GHR: variants seen among roughly 807,000 people sequenced by gnomAD.
The protein encoded by GHR is GH receptor.
A neutral mutation model predicts 67.1 loss-of-function variants in GHR; 35 were observed. The observed-to-expected ratio is 0.52, with a 90% CI of 0.40 to 0.69. The LOEUF is 0.69. Among genes scored for constraint, GHR ranks in the 30% least tolerant of loss-of-function variants. The pLI, the probability that GHR is intolerant of heterozygous loss-of-function variation, is 0.00. For synonymous variants in GHR, 272 were observed against 269.1 expected (o/e 1.01, Z -0.10); for missense variants, 792 against 764.6 (o/e 1.04, Z -0.42).
chr5:42,466,848 G>GT, intron 1 of GHR: 2 of 1,382,290 alleles, frequency 1.4e-6, no homozygotes, highest in African/African-American at 2.9e-5. Flanking sequence ...GAGGCAGAAG[G>GT]TTATGACCAA....
chr5:42,657,305 C>G (rs2112846641), intron 3 of GHR, among the ~76,000 whole-genome samples: 1 of 152,196 alleles, frequency 6.6e-6, no homozygotes, highest in Admixed American at 6.5e-5. Flanking sequence ...GTCCAGGTGA[C>G]TGTTAAGGTC....
intron 3 of GHR, among the ~76,000 whole-genome samples, chr5:42,656,582 T>C (rs534797948): frequency 6.6e-6 from 1 of 152,304 alleles, no homozygotes; most frequent in African/African-American, 2.4e-5. Flanking sequence ...TGAAAATATA[T>C]ATTGTATTGC....
intron 2 of GHR, among the ~76,000 whole-genome samples, chr5:42,625,613 C>T (rs985669120): frequency 2.6e-5 from 4 of 152,004 alleles, no homozygotes; most frequent in East Asian, 1.9e-4. Context: ...TTAAGAAATA[C>T]GTTGATTTGG....
intron 3 of GHR, among the ~76,000 whole-genome samples, chr5:42,649,393 A>T (rs1754904395): frequency 6.6e-6 from 1 of 152,220 alleles, no homozygotes; most frequent in Non-Finnish European, 1.5e-5. Context: ...TGGAATACAG[A>T]GTACTTTTTA....
At chr5:42,594,722 G>A (rs1156609868) in intron 2 of GHR, among the ~76,000 whole-genome samples, 1 of 151,790 alleles carries the variant, frequency 6.6e-6, no homozygotes, top group African/African-American at 2.4e-5. Context: ...TTTTTGTCTT[G>A]TGGGTCCTTT....
At chr5:42,619,964 G>T (rs1316768316) in intron 2 of GHR, 1 of 152,096 alleles carries the variant, frequency 6.6e-6, no homozygotes, top group Non-Finnish European at 1.5e-5. Flanking sequence ...ACCAAGCAAC[G>T]AGCACCACAT....
chr5:42,605,185 G>A (rs879544427), intron 2 of GHR, among the ~76,000 whole-genome samples: 3 of 142,384 alleles, frequency 2.1e-5, no homozygotes, highest in East Asian at 2.1e-4. Flanking sequence ...CAACCTCCAC[G>A]TCCCGGGTTC....
At chr5:42,426,003 G>T (rs1204366673) in intron 1 of GHR, among the ~76,000 whole-genome samples, 1 of 152,094 alleles carries the variant, frequency 6.6e-6, no homozygotes. Flanking sequence ...ATTTGTTTTA[G>T]CCAGGCTTTG....
chr5:42,514,549 A>G lies in GHR; in HGVS notation c.-11-51315A>G, dbSNP rs4130113. Among the ~76,000 whole-genome samples, 96,942 of 151,822 alleles carry G rather than the reference A, an allele frequency of 0.64. 31,603 individuals are homozygous for G. Among genetic ancestry groups the G allele is most frequent in the African/African-American group, 0.77 (31,773 of 41,374 alleles). On this transcript the variant is annotated intron_variant, in intron 1 of 9. Coordinates refer to ENST00000230882, the MANE Select transcript of GHR (RefSeq NM_000163.5). Reference sequence around the variant, plus strand: ...TAAATGGGTAATTCAGCAGAACCAGATGCTGGGGTTGAGAAATAGATGTGG... The same window carrying G: ...TAAATGGGTAATTCAGCAGAACCAGGTGCTGGGGTTGAGAAATAGATGTGG...
chr5:42,619,187 A>C (rs1196657559), intron 2 of GHR, among the ~76,000 whole-genome samples: 2 of 152,046 alleles, frequency 1.3e-5, no homozygotes, highest in Non-Finnish European at 2.9e-5. Flanking sequence ...ACTGGGGTCT[A>C]TTTCATGGAA....
chr5:42,446,194 A>G (rs1743798856), intron 1 of GHR, among the ~76,000 whole-genome samples: 1 of 152,218 alleles, frequency 6.6e-6, no homozygotes, highest in African/African-American at 2.4e-5. Flanking sequence ...CTCATAATGT[A>G]AGCTAATGGG....
At chr5:42,634,027 C>T (rs1175255276) in intron 3 of GHR, among the ~76,000 whole-genome samples, 1 of 152,060 alleles carries the variant, frequency 6.6e-6, no homozygotes, top group Non-Finnish European at 1.5e-5. Flanking sequence ...AGCGTAGCAC[C>T]GCAGTTTAAG....
Position 42,717,926 on chromosome 5 carries a change from T to G in GHR, c.876-126T>G, listed in dbSNP as rs980094855. 7.7e-6 allele frequency: 5 copies of G among 647,392 alleles called. No homozygotes were observed. The African/African-American group carries it at 9.2e-5, about 12-fold the overall frequency. The allele number at this position is 647,392 out of a possible 1,614,324, so 40.1% of individuals were successfully genotyped here. ...TTTTCTTCTGTTTCTCACACTCCAA[T>G]TATATAAAGTACCAGAATATTTGGA... On this transcript the variant is annotated intron_variant, in intron 8 of 9. Coordinates refer to ENST00000230882, the MANE Select transcript of GHR (RefSeq NM_000163.5).
chr5:42,473,382 G>C (rs1225971340), intron 1 of GHR, among the ~76,000 whole-genome samples: 1 of 151,888 alleles, frequency 6.6e-6, no homozygotes, highest in African/African-American at 2.4e-5. Context: ...GTTATGAATG[G>C]CCCAAAGATA....
intron 2 of GHR, among the ~76,000 whole-genome samples, chr5:42,567,210 C>T (rs1043811125): frequency 2.0e-5 from 3 of 152,166 alleles, no homozygotes; most frequent in Non-Finnish European, 4.4e-5. Flanking sequence ...AGGTGACTTT[C>T]ACTCCACTGG....
intron 3 of GHR, among the ~76,000 whole-genome samples, chr5:42,679,569 G>C (rs911543209): frequency 3.3e-5 from 5 of 151,806 alleles, no homozygotes; most frequent in African/African-American, 1.2e-4. Context: ...AGGTTGCAGT[G>C]AGCCGAGATC....
chr5:42,602,346 C>T (rs1310988250), intron 2 of GHR, among the ~76,000 whole-genome samples: 3 of 152,042 alleles, frequency 2.0e-5, no homozygotes, highest in Non-Finnish European at 2.9e-5. Context: ...GGAGGGGGGC[C>T]GTACCATTTG....
intron 2 of GHR, among the ~76,000 whole-genome samples, chr5:42,576,905 G>A (rs1750777825): frequency 6.6e-6 from 1 of 152,224 alleles, no homozygotes; most frequent in Non-Finnish European, 1.5e-5. Context: ...AGCCATCCAT[G>A]AGAATTAAAT....
chr5:42,627,656 G>A (rs912762088), intron 2 of GHR, among the ~76,000 whole-genome samples: 4 of 152,264 alleles, frequency 2.6e-5, no homozygotes, highest in Admixed American at 2.6e-4. Context: ...CCCCTAGGGG[G>A]AGAATACAGA....
Sources: allele counts gnomAD v4.1 joint callset (sites outside exome capture counted in the v4.1 genomes callset), GRCh38; gene constraint gnomAD v4.1.1; transcripts MANE v1.5; gene names NCBI Gene and HGNC (gene_info 2026-07-23, HGNC 2026-07-21).